The following CEP170 variants were observed in gnomAD, a reference collection of about 807,000 sequenced individuals.
CEP170 encodes the protein centrosomal protein of 170 kDa.
Under a neutral mutation model 151.9 loss-of-function variants are expected in CEP170, and 21 were observed. That is an observed-to-expected ratio of 0.14 (90% CI 0.10 to 0.20). The LOEUF is 0.20. CEP170 is among the 10% of genes least tolerant of loss of function. The pLI is 1.00. For missense variants in CEP170, 964 were observed against 1,892.9 expected, an observed-to-expected ratio of 0.51 and a Z score of 9.11; for synonymous variants, 356 against 648.8, an observed-to-expected ratio of 0.55 and a Z score of 6.86.
intron 8 of CEP170, 29 bp downstream of exon 8, chr1:243,190,989 G>A: frequency 6.7e-7 from 1 of 1,483,794 alleles, no homozygotes; most frequent in South Asian, 1.4e-5. Flanking sequence ...TCGTAAAGTA[G>A]GAAGTTCTGA....
intron 17 of CEP170, among the ~76,000 whole-genome samples, chr1:243,132,017 GTCATTT>G (rs2054480642): frequency 6.6e-6 from 1 of 152,250 alleles, no homozygotes; most frequent in African/African-American, 2.4e-5. Flanking sequence ...ACCTAAGGGG[GTCATTT>G]TCACATGGAA....
At chr1:243,146,232 A>G (rs1433062685) in intron 14 of CEP170, among the ~76,000 whole-genome samples, 44 of 152,308 alleles carry the variant, frequency 2.9e-4, no homozygotes, top group Non-Finnish European at 5.9e-5. Context: ...TGCCTCCCCA[A>G]TGGTGACAAA....
intron 3 of CEP170, among the ~76,000 whole-genome samples, chr1:243,220,361 T>C (rs1423199367): frequency 6.6e-6 from 1 of 150,498 alleles, no homozygotes; most frequent in African/African-American, 2.5e-5. Flanking sequence ...AATGTGAGAG[T>C]TTTCAGGGCA....
At chr1:243,204,353 T>C (rs949207359) in intron 4 of CEP170, among the ~76,000 whole-genome samples, 3 of 152,198 alleles carry the variant, frequency 2.0e-5, no homozygotes, top group Admixed American at 6.6e-5. Context: ...TGCTATGATA[T>C]GATGTATTGG....
rs544369438 is a variant in CEP170 at position 243,221,694 on chromosome 1, A to T, written c.195+30T>A. Reference sequence around the variant, plus strand: ...TCTTACAATATTAAACAAATGTTCAAACAAGACAAAAAATAAACCATTGAC... The same window carrying T: ...TCTTACAATATTAAACAAATGTTCATACAAGACAAAAAATAAACCATTGAC... On this transcript the variant is annotated intron_variant, in intron 3 of 19. Transcript: ENST00000366542. 6.5e-5 allele frequency: 103 copies of T among 1,575,074 alleles called. 1 individual carries two copies. The South Asian group carries it at 1.1e-3, about 16-fold the overall frequency.
intron 1 of CEP170, among the ~76,000 whole-genome samples, chr1:243,242,626 C>T (rs951930776): frequency 6.6e-6 from 1 of 152,176 alleles, no homozygotes; most frequent in African/African-American, 2.4e-5. Context: ...TCCCCAAGTT[C>T]TAAACTTTAC....
intron 7 of CEP170, among the ~76,000 whole-genome samples, chr1:243,193,481 A>G (rs2060445108): frequency 6.6e-6 from 1 of 151,978 alleles, no homozygotes; most frequent in Admixed American, 6.6e-5. Flanking sequence ...TCCACTATAC[A>G]GAGAGCTAAA....
intron 17 of CEP170, among the ~76,000 whole-genome samples, chr1:243,133,906 T>C (rs1466501339): frequency 6.6e-6 from 1 of 152,238 alleles, no homozygotes; most frequent in Non-Finnish European, 1.5e-5. Context: ...ATTTATAAAA[T>C]GTGGTATTTA....
intron 2 of CEP170, 135 bp from the exon 3 acceptor site, chr1:243,221,948 T>A: frequency 1.4e-6 from 1 of 690,832 alleles, no homozygotes; most frequent in Non-Finnish European, 2.3e-6. Context: ...TTAAATGAGA[T>A]TAAAACGGTG....
chr1:243,192,204 T>C (rs1271728791), intron 7 of CEP170, among the ~76,000 whole-genome samples: 1 of 152,108 alleles, frequency 6.6e-6, no homozygotes, highest in East Asian at 1.9e-4. Flanking sequence ...TTCCAGACAA[T>C]AACTCTGGAA....
intron 1 of CEP170, among the ~76,000 whole-genome samples, chr1:243,249,322 G>A (rs553722104): frequency 5.3e-5 from 8 of 152,112 alleles, no homozygotes; most frequent in South Asian, 2.1e-4. Flanking sequence ...ACAGGCTGAG[G>A]TGGGAGTATT....
chr1:243,238,455 T>C (rs1186706610), intron 1 of CEP170, among the ~76,000 whole-genome samples: 1 of 150,436 alleles, frequency 6.6e-6, no homozygotes, highest in East Asian at 1.9e-4. Flanking sequence ...TGAACTGCCC[T>C]GGAAAAAAAA....
At chr1:243,215,046 T>C (rs2062144009) in intron 3 of CEP170, among the ~76,000 whole-genome samples, 1 of 152,218 alleles carries the variant, frequency 6.6e-6, no homozygotes, top group South Asian at 2.1e-4. Flanking sequence ...TTAATACTTT[T>C]ATAATTTCTT....
At chr1:243,159,348 A>G (rs969841913) in intron 13 of CEP170, among the ~76,000 whole-genome samples, 9 of 152,116 alleles carry the variant, frequency 5.9e-5, no homozygotes, top group African/African-American at 2.2e-4. Flanking sequence ...GAGTGAAATG[A>G]TGGCTACTGG....
intron 19 of CEP170, among the ~76,000 whole-genome samples, chr1:243,127,104 A>G (rs1405781482): frequency 1.3e-5 from 2 of 152,236 alleles, no homozygotes; most frequent in Non-Finnish European, 2.9e-5. Flanking sequence ...CATCACTCAG[A>G]TAACTGAGGT....
intron 17 of CEP170, among the ~76,000 whole-genome samples, chr1:243,132,844 A>G (rs910219103): frequency 6.6e-6 from 1 of 152,172 alleles, no homozygotes; most frequent in Non-Finnish European, 1.5e-5. Context: ...ACGGACCTGT[A>G]TTTCAGTAGG....
chr1:243,231,194 ATTAT>A (rs1558660630), intron 1 of CEP170, among the ~76,000 whole-genome samples: 1 of 62,214 alleles, frequency 1.6e-5, no homozygotes, highest in Non-Finnish European at 5.0e-5. Flanking sequence ...CATCATCATT[ATTAT>A]TATTATTATC....
At chr1:243,206,342 G>A (rs1366042860) in intron 4 of CEP170, among the ~76,000 whole-genome samples, 2 of 149,556 alleles carry the variant, frequency 1.3e-5, no homozygotes, top group Admixed American at 1.3e-4. Context: ...CCATGTTTGC[G>A]AGGCTGATCT....
chr1:243,198,329 A>T (rs1384386821), intron 7 of CEP170, among the ~76,000 whole-genome samples: 2 of 152,120 alleles, frequency 1.3e-5, no homozygotes, highest in East Asian at 3.9e-4. Flanking sequence ...AATATCAGAA[A>T]TATCAAAAAT....
Sources: allele counts gnomAD v4.1 joint callset (sites outside exome capture counted in the v4.1 genomes callset), GRCh38; gene constraint gnomAD v4.1.1; transcripts MANE v1.5; gene names NCBI Gene and HGNC (gene_info 2026-07-23, HGNC 2026-07-21).